CDH9: variants seen among roughly 807,000 people sequenced by gnomAD.
CDH9 encodes the protein cadherin 9, also known as cadherin-9.
Under a neutral mutation model 70.9 loss-of-function variants are expected in CDH9, and 28 were observed. The ratio of observed to expected loss-of-function variants is 0.40; its 90% confidence interval spans 0.29 to 0.54. The LOEUF (loss-of-function observed/expected upper bound fraction) is 0.54. Among genes scored for constraint, CDH9 ranks in the 20% least tolerant of loss-of-function variants. CDH9 has a pLI of 0.59. For missense variants in CDH9, 874 were observed against 984.4 expected (o/e 0.89, Z 1.50); for synonymous variants, 409 against 343.1 (o/e 1.19, Z -2.12).
At position 26,886,158 on chromosome 5, in the gene CDH9, A is replaced by T; in HGVS notation, c.1513-75T>A. 5 of 1,467,546 alleles carry T rather than the reference A, an allele frequency of 3.4e-6. No homozygotes were observed. In the South Asian group the frequency reaches 5.7e-5, roughly 17 times the overall value. The allele number at this position is 1,467,546 out of a possible 1,614,324, so 90.9% of individuals were successfully genotyped here. Reference sequence around the variant, plus strand: ...TGTTATTACAAGATATCTTAAATCCATGTATTTGTGCTTTAAATACATCAC... The same window carrying T: ...TGTTATTACAAGATATCTTAAATCCTTGTATTTGTGCTTTAAATACATCAC... On this transcript the variant is annotated intron_variant, in intron 9 of 11. Transcript: ENST00000231021.
chr5:27,020,718 A>T (rs1376857772), intron 1 of CDH9, among the ~76,000 whole-genome samples: 1 of 137,914 alleles, frequency 7.3e-6, no homozygotes, highest in Non-Finnish European at 1.6e-5. Context: ...ACATTTAAGA[A>T]TTCACACACG....
At chr5:26,960,026 C>T (rs1365481468) in intron 2 of CDH9, among the ~76,000 whole-genome samples, 3 of 151,896 alleles carry the variant, frequency 2.0e-5, no homozygotes, top group East Asian at 3.9e-4. Context: ...GTTAATAACA[C>T]CTCAAAAAGT....
intron 1 of CDH9, among the ~76,000 whole-genome samples, chr5:27,016,014 C>T (rs907007869): frequency 1.3e-5 from 2 of 151,802 alleles, no homozygotes; most frequent in Admixed American, 1.3e-4. Flanking sequence ...CATGTACTGA[C>T]ATCTTACATA....
At chr5:27,003,227 T>G (rs1416149793) in intron 1 of CDH9, among the ~76,000 whole-genome samples, 1 of 152,090 alleles carries the variant, frequency 6.6e-6, no homozygotes, top group African/African-American at 2.4e-5. Context: ...GTTTTGAATT[T>G]TGGATGTTCT....
At chr5:27,012,569 C>T (rs1253238784) in intron 1 of CDH9, among the ~76,000 whole-genome samples, 4 of 151,922 alleles carry the variant, frequency 2.6e-5, no homozygotes, top group Non-Finnish European at 5.9e-5. Context: ...TTCAATTAGT[C>T]TCCAGCATAA....
At chr5:26,940,187 T>G (rs1479592264) in intron 2 of CDH9, among the ~76,000 whole-genome samples, 2 of 151,940 alleles carry the variant, frequency 1.3e-5, no homozygotes, top group African/African-American at 4.8e-5. Flanking sequence ...AAAGGAGATT[T>G]TTTTGACAAA....
Position 26,924,366 on chromosome 5 carries a change from C to G in CDH9, c.229-8442G>C, listed in dbSNP as rs997166541. 2.0e-5 allele frequency among the ~76,000 whole-genome samples: 3 copies of G among 151,552 alleles called. No individual in the cohort carries two copies. In the South Asian group the frequency reaches 6.3e-4, roughly 32 times the overall value. On this transcript the variant is annotated intron_variant, in intron 2 of 11. Coordinates refer to ENST00000231021, the MANE Select transcript of CDH9 (RefSeq NM_016279.4). ...ACCATGAAGAAATCCAAAACCTAAACAGATGAATAATAATGAATGAGACTG... is the reference window on the plus strand; with the variant it reads ...ACCATGAAGAAATCCAAAACCTAAAGAGATGAATAATAATGAATGAGACTG...
At chr5:26,905,400 T>G (rs1189138858) in intron 5 of CDH9, among the ~76,000 whole-genome samples, 1 of 152,064 alleles carries the variant, frequency 6.6e-6, no homozygotes, top group East Asian at 1.9e-4. Flanking sequence ...TAGTAAACCA[T>G]AACTCTATGG....
rs117604497 is a variant in CDH9 at position 26,997,739 on chromosome 5, C to T, written c.-49-9357G>A. 1.5e-3 allele frequency among the ~76,000 whole-genome samples: 229 copies of T among 150,918 alleles called. 4 individuals carry two copies. In the East Asian group the frequency reaches 0.038, roughly 25 times the overall value. ...TTTTTTGAGATGGAATCCACTCTGT[C>T]TCCAGGCTGGAGTGCAGTGGTGTGA... is the stretch of plus-strand genomic sequence containing the variant. On this transcript the variant is annotated intron_variant, in intron 1 of 11. Transcript: ENST00000231021.
intron 4 of CDH9, 56 bp downstream of exon 4, chr5:26,906,663 A>C: frequency 6.4e-7 from 1 of 1,560,168 alleles, no homozygotes; most frequent in Non-Finnish European, 8.7e-7. Context: ...CTCTAAATTA[A>C]TTATGCATCT....
intron 1 of CDH9, among the ~76,000 whole-genome samples, chr5:27,035,708 GTGGGTGTGT>G: frequency 6.7e-6 from 1 of 149,822 alleles, no homozygotes; most frequent in Non-Finnish European, 1.5e-5. Flanking sequence ...GTGTGTGTGT[GTGGGTGTGT>G]GTGGGTGTGT....
chr5:26,933,534 T>C (rs1741502435), intron 2 of CDH9, among the ~76,000 whole-genome samples: 2 of 151,342 alleles, frequency 1.3e-5, no homozygotes, highest in African/African-American at 4.8e-5. Context: ...TCCAGCACTT[T>C]GGGAGGCCGA....
intron 1 of CDH9, among the ~76,000 whole-genome samples, chr5:27,014,561 C>T (rs1237848732): frequency 6.6e-6 from 1 of 151,752 alleles, no homozygotes; most frequent in Admixed American, 6.6e-5. Flanking sequence ...GCAGGTGTTT[C>T]CTTTCTAAAA....
At chr5:26,961,301 C>T (rs1463166792) in intron 2 of CDH9, among the ~76,000 whole-genome samples, 1 of 152,026 alleles carries the variant, frequency 6.6e-6, no homozygotes, top group African/African-American at 2.4e-5. Flanking sequence ...TTTAAGTATG[C>T]AACATGTTAT....
intron 3 of CDH9, 39 bp downstream of exon 3, chr5:26,915,591 C>A (rs770074506): frequency 3.3e-6 from 4 of 1,203,714 alleles, no homozygotes. Context: ...AGCAAACAAA[C>A]AAATAAAAAG....
intron 2 of CDH9, among the ~76,000 whole-genome samples, chr5:26,926,919 C>G (rs992349541): frequency 2.8e-5 from 4 of 140,786 alleles, no homozygotes; most frequent in Admixed American, 7.4e-5. Context: ...AAAATACAGC[C>G]CCCCCCCGCA....
chr5:26,898,651 A>G (rs1467324988), intron 7 of CDH9, among the ~76,000 whole-genome samples: 1 of 152,206 alleles, frequency 6.6e-6, no homozygotes, highest in Non-Finnish European at 1.5e-5. Context: ...CTTTCCTTAC[A>G]CATAATACAA....
chr5:26,902,828 AC>A (rs1740880925), intron 6 of CDH9, 99 bp from the exon 7 acceptor site: 1 of 643,790 alleles, frequency 1.6e-6, no homozygotes, highest in Non-Finnish European at 2.7e-6. Flanking sequence ...GATTATACCA[AC>A]AATTCTATTT....
At chr5:26,963,089 T>C (rs916288718) in intron 2 of CDH9, among the ~76,000 whole-genome samples, 2 of 152,186 alleles carry the variant, frequency 1.3e-5, no homozygotes, top group African/African-American at 4.8e-5. Flanking sequence ...ACAATTATTA[T>C]GATGCAGATA....
Sources: gnomAD v4.1 joint callset for allele counts (sites outside exome capture counted in the v4.1 genomes callset) on GRCh38, gnomAD v4.1.1 for gene constraint, MANE v1.5 for transcripts, NCBI Gene and HGNC (gene_info 2026-07-23, HGNC 2026-07-21) for gene names.